PLOD1: variants seen among roughly 807,000 people sequenced by gnomAD.
PLOD1 encodes the protein procollagen-lysine,2-oxoglutarate 5-dioxygenase 1, also known as lysine hydroxylase.
A neutral mutation model predicts 94.7 loss-of-function variants in PLOD1; 70 were observed. The ratio of observed to expected loss-of-function variants is 0.74; its 90% CI spans 0.61 to 0.90. The LOEUF (loss-of-function observed/expected upper bound fraction) is 0.90, where lower values mean the gene tolerates loss of function less well. PLOD1 is among the 40% of genes least tolerant of loss of function. PLOD1 has a pLI of 0.00. For missense variants in PLOD1, 905 were observed against 972.7 expected (o/e 0.93, Z 0.93); for synonymous variants, 417 against 400.2 (o/e 1.04, Z -0.50).
At position 11,950,406 on chromosome 1, in the gene PLOD1, C is replaced by T. The variant is rs771186398; in HGVS notation, c.352C>T (p.Arg118Trp). Residue 118 changes from arginine to tryptophan, a missense_variant, in exon 4 of 19, where the codon CGG (arginine) becomes TGG (tryptophan). Coordinates refer to ENST00000196061, the MANE Select transcript of PLOD1 (RefSeq NM_000302.4). ...SGPRELLKKF[R>W]QARSQVVFSA... ...GCCCCGGGAGCTCCTGAAGAAGTTC[C>T]GGCAGGCCAGGAGCCAGGTGGTCTT... 17 of 1,614,042 alleles carry T rather than the reference C, an allele frequency of 1.1e-5. No individual in the cohort carries two copies. The highest frequency in any genetic ancestry group is 3.3e-5 in the Admixed American group (2 of 60,010).
At chr1:11,946,323 T>G (rs1446136811) in intron 1 of PLOD1, among the ~76,000 whole-genome samples, 1 of 152,156 alleles carries the variant, frequency 6.6e-6, no homozygotes, top group African/African-American at 2.4e-5. Flanking sequence ...TCCAGAAGAT[T>G]CTGTTGCAGA....
chr1:11,937,092 C>T (rs958804571), intron 1 of PLOD1, among the ~76,000 whole-genome samples: 1 of 152,188 alleles, frequency 6.6e-6, no homozygotes, highest in African/African-American at 2.4e-5. Context: ...AGGTGATCCG[C>T]CTACCTCGGC....
chr1:11,936,878 A>C (rs1303474020), intron 1 of PLOD1, among the ~76,000 whole-genome samples: 12 of 123,894 alleles, frequency 9.7e-5, no homozygotes, highest in African/African-American at 2.2e-4. Context: ...GCAGAGTTTC[A>C]CTCCCGTTGC....
chr1:11,972,922 C>T lies in PLOD1; in HGVS notation c.1953C>T (p.Pro651=). The change falls in exon 18 of 19, where the codon CCC becomes CCT. Residue 651 remains proline (P), a synonymous_variant. Coordinates refer to ENST00000196061, the MANE Select transcript of PLOD1 (RefSeq NM_000302.4). This position sits in a 1 kb window ranked among gnomAD's most constrained non-coding sequence, Gnocchi z 4.6. ...FVVRYKPDEQ[P]SLMPHHDAST... ...TCCGCTACAAGCCTGATGAGCAGCC[C>T]TCACTGATGCCACACCATGATGCCT... 1 of 1,614,140 alleles carries T rather than the reference C, an allele frequency of 6.2e-7. No individual in the cohort carries two copies. Among genetic ancestry groups the T allele is most frequent in the Non-Finnish European group, 8.5e-7 (1 of 1,179,996 alleles).
At position 11,967,131 on chromosome 1, in the gene PLOD1, G is replaced by A. The variant is rs75453415; in HGVS notation, c.1755+40G>A. The A allele has an allele frequency of 2.5e-3, 3,378 of 1,332,660 alleles. 49 individuals carry two copies. In the East Asian group the frequency reaches 0.035, roughly 14 times the overall value. The allele number at this position is 1,332,660 out of a possible 1,614,324, so 82.6% of individuals were successfully genotyped here. A position where few individuals can be genotyped will look rare whatever the true frequency, so the allele number is the denominator to read the frequency against. On this transcript the variant is annotated intron_variant, in intron 16 of 18. Transcript: ENST00000196061. ...CCTGGGCTGGGGCCGCAGGGAGGCT[G>A]CCTCTCCATCAGTGCCGCTCACTGT...
chr1:11,957,067 T>A lies in PLOD1; in HGVS notation c.741+53T>A, dbSNP rs757418080. 1.7e-6 allele frequency: 2 copies of A among 1,178,604 alleles called. No individual in the cohort carries two copies. The highest frequency in any genetic ancestry group is 1.5e-5 in the African/African-American group (1 of 66,518). The allele number at this position is 1,178,604 out of a possible 1,614,324, so 73.0% of individuals were successfully genotyped here. On this transcript the variant is annotated intron_variant, in intron 7 of 18. Coordinates refer to ENST00000196061, the MANE Select transcript of PLOD1 (RefSeq NM_000302.4). The surrounding 1 kb of genome is among the most constrained non-coding windows in gnomAD (Gnocchi z 4.1). ...GTGGGAGGGGGCCAGAGCCCTAATT[T>A]CATTCTCACTGTGACCCCACAGTGT...
chr1:11,965,451 G>C (rs375846278), intron 13 of PLOD1, 29 bp from the exon 14 acceptor site: 4 of 1,324,144 alleles, frequency 3.0e-6, no homozygotes, highest in Middle Eastern at 1.8e-4. Flanking sequence ...GTGGGGGAGC[G>C]CCTCTTCCAC....
rs1041225598 is a variant in PLOD1, at chr1:11,952,502, G to A, written c.467-121G>A. On this transcript the variant is annotated intron_variant, in intron 4 of 18. Coordinates refer to ENST00000196061, the MANE Select transcript of PLOD1 (RefSeq NM_000302.4). ...TGTCAATTCAGGAGGACTTCTGAGA[G>A]GTGACAGGGTTTGTGGGCATATGAG... 3 of 751,266 alleles carry A rather than the reference G, an allele frequency of 4.0e-6. No homozygotes were observed. In the East Asian group the frequency reaches 7.9e-5, roughly 20 times the overall value. The allele number at this position is 751,266 out of a possible 1,614,324, so 46.5% of individuals were successfully genotyped here.
In PLOD1 at chr1:11,957,971, A is replaced by AGGGACACGGG; in HGVS notation, c.843+32_843+41dup. On this transcript the variant is annotated intron_variant, in intron 8 of 18. Coordinates refer to ENST00000196061, the MANE Select transcript of PLOD1 (RefSeq NM_000302.4). This position sits in a 1 kb window ranked among gnomAD's most constrained non-coding sequence, Gnocchi z 4.1. ...GAGGCTGCGCCCAGGCCTGTGCCTGAGGGACACGGGGGGCTCAGTCCCCTG... is the reference window on the plus strand; with the variant it reads ...GAGGCTGCGCCCAGGCCTGTGCCTGAGGGACACGGGGGGACACGGGGGGCTCAGTCCCCTG... 1 of 1,422,548 alleles carries AGGGACACGGG rather than the reference A, an allele frequency of 7.0e-7. No individual in the cohort carries two copies. The highest frequency in any genetic ancestry group is 9.9e-7 in the Non-Finnish European group (1 of 1,005,106). The allele number at this position is 1,422,548 out of a possible 1,614,324, so 88.1% of individuals were successfully genotyped here.
chr1:11,966,899 C>T (rs1645822516), intron 15 of PLOD1, 88 bp from the exon 16 acceptor site: 1 of 854,690 alleles, frequency 1.2e-6, no homozygotes, highest in African/African-American at 1.6e-5. Flanking sequence ...TGGGAGGGCT[C>T]CCTGGCTTGG....
intron 9 of PLOD1, among the ~76,000 whole-genome samples, chr1:11,960,088 C>T (rs932034445): frequency 6.6e-6 from 1 of 151,926 alleles, no homozygotes; most frequent in Non-Finnish European, 1.5e-5. Flanking sequence ...TCTGCCTCAG[C>T]CTCCTCCCGA....
At chr1:11,966,892 G>A (rs1385881948) in intron 15 of PLOD1, 95 bp from the exon 16 acceptor site, 5 of 824,906 alleles carry the variant, frequency 6.1e-6, no homozygotes, top group Non-Finnish European at 1.1e-5. Context: ...GGGACACTGG[G>A]AGGGCTCCCT....
At chr1:11,936,312 C>T (rs748809421) in intron 1 of PLOD1, among the ~76,000 whole-genome samples, 1 of 151,778 alleles carries the variant, frequency 6.6e-6, no homozygotes, top group Non-Finnish European at 1.5e-5. Flanking sequence ...CTTCCCTCCT[C>T]CCCAGCCCTC....
At position 11,966,268 on chromosome 1, in the gene PLOD1, C is replaced by T. The variant is rs768491146; in HGVS notation, c.1602C>T (p.Tyr534=). 1 of 1,606,648 alleles carries T rather than the reference C, an allele frequency of 6.2e-7. No individual in the cohort carries two copies. The highest frequency in any genetic ancestry group is 1.1e-5 in the South Asian group (1 of 89,570). The part of the protein sequence containing the change: ...FSNPEDWKEK[Y]IHQNYTKALA... ...TCCCACAGGACTGGAAGGAGAAGTACATCCACCAGAACTACACCAAAGCCC... is the reference window on the plus strand; with the variant it reads ...TCCCACAGGACTGGAAGGAGAAGTATATCCACCAGAACTACACCAAAGCCC... Residue 534 remains tyrosine (Y), a synonymous_variant, in exon 15 of 19, where the codon TAC becomes TAT. Transcript: ENST00000196061.
intron 11 of PLOD1, 101 bp from the exon 12 acceptor site, chr1:11,964,074 C>T (rs576040125): frequency 1.1e-5 from 13 of 1,200,372 alleles, no homozygotes; most frequent in Non-Finnish European, 1.4e-5. Flanking sequence ...GGGATCCCTG[C>T]GTGCAGGTTG....
At chr1:11,959,312 C>T (rs2180180) in intron 9 of PLOD1, among the ~76,000 whole-genome samples, 45,001 of 151,884 alleles carry the variant, frequency 0.3, 7,404 homozygotes, top group South Asian at 0.44. Flanking sequence ...ATGCGAAGTT[C>T]GTAAAAGGTG....
rs773756799 is a variant in PLOD1, at chr1:11,974,723, A to G, written c.2099A>G (p.His700Arg). ...RAPRKGWTLMHPGRLTHYHEG... is the reference protein window; with the variant it reads ...RAPRKGWTLMRPGRLTHYHEG... The stretch of plus-strand genomic sequence containing the variant: ...CCAAGGAAGGGCTGGACCCTCATGC[A>G]CCCTGGACGACTCACGCATTACCAT... Residue 700 changes from histidine (H) to arginine (R), a missense_variant, in exon 19 of 19, where the codon CAC becomes CGC. By Grantham distance (29) the His-to-Arg change is conservative. Transcript: ENST00000196061. 5.0e-5 allele frequency: 80 copies of G among 1,613,552 alleles called. No homozygotes were observed. Among genetic ancestry groups the G allele is most frequent in the Non-Finnish European group, 6.4e-5 (76 of 1,179,714 alleles).
intron 1 of PLOD1, among the ~76,000 whole-genome samples, chr1:11,947,442 C>T (rs1313243675): frequency 7.3e-5 from 11 of 151,482 alleles, no homozygotes; most frequent in South Asian, 2.1e-4. Context: ...TGGTGGCACC[C>T]GCCTGTAGTC....
chr1:11,958,518 T>TG lies in PLOD1; in HGVS notation c.847dup (p.Glu283GlyfsTer71). The TG allele has an allele frequency of 6.2e-7, 1 of 1,613,726 alleles. No homozygotes were observed. Among genetic ancestry groups the TG allele is most frequent in the East Asian group, 2.2e-5 (1 of 44,864 alleles). Reference sequence around the variant, plus strand: ...TTGTGCCGCCCTCCCTGGTGCAGGATGAAGCTCTGCCCACGGTCCTGGTCG... The same window carrying TG: ...TTGTGCCGCCCTCCCTGGTGCAGGATGGAAGCTCTGCCCACGGTCCTGGTCG... On this transcript the variant is annotated frameshift_variant, in exon 9 of 19. Coordinates refer to ENST00000196061, the MANE Select transcript of PLOD1 (RefSeq NM_000302.4). LOFTEE classifies it high-confidence loss of function. This position sits in a 1 kb window ranked among gnomAD's most constrained non-coding sequence, Gnocchi z 4.3.
Sources: allele counts gnomAD v4.1 joint callset (sites outside exome capture counted in the v4.1 genomes callset), GRCh38; gene constraint gnomAD v4.1.1; non-coding constraint Gnocchi (gnomAD v3.1); transcripts MANE v1.5; gene names NCBI Gene and HGNC (gene_info 2026-07-23, HGNC 2026-07-21).